The following NR3C2 variants were observed in gnomAD, a reference collection of about 807,000 sequenced individuals.
NR3C2 encodes mineralocorticoid receptor.
NR3C2 carries 15 observed loss-of-function variants against 86.4 expected under a neutral mutation model. That is an observed-to-expected ratio of 0.17 (90% CI 0.12 to 0.27). The LOEUF is 0.27. NR3C2 is among the 10% of genes least tolerant of loss of function. NR3C2 has a pLI of 1.00. For synonymous variants in NR3C2, 458 were observed against 450.5 expected (o/e 1.02, Z -0.21); for missense variants, 960 against 1,195.6 (o/e 0.80, Z 2.91).
intron 8 of NR3C2, among the ~76,000 whole-genome samples, chr4:148,091,094 C>T (rs985553210): frequency 1.3e-5 from 2 of 152,230 alleles, no homozygotes; most frequent in South Asian, 2.1e-4. Context: ...CAGCAGCTAC[C>T]GGAAGTGCTG....
intron 2 of NR3C2, among the ~76,000 whole-genome samples, chr4:148,390,969 C>G (rs1747517921): frequency 6.6e-6 from 1 of 152,162 alleles, no homozygotes; most frequent in South Asian, 2.1e-4. Context: ...AAAATGCATT[C>G]AGTTAAAATG....
chr4:148,104,350 T>TGGTTTGG (rs1731694420), intron 8 of NR3C2, among the ~76,000 whole-genome samples: 3 of 147,926 alleles, frequency 2.0e-5, no homozygotes, highest in South Asian at 4.3e-4. Context: ...TGGTTTTTTT[T>TGGTTTGG]TTTTTTTTTT....
rs1412816811 is a variant in NR3C2, at chr4:148,435,976, G to A, written c.885C>T (p.Ser295=). 2 of 1,614,188 alleles carry A rather than the reference G, an allele frequency of 1.2e-6. No individual in the cohort carries two copies. The highest frequency in any genetic ancestry group is 2.2e-5 in the South Asian group (2 of 91,086). Residue 295 remains serine (S), a synonymous_variant, in exon 2 of 9, where the codon TCC becomes TCT. Transcript: ENST00000358102. ...VSSPNNVTLR[S]SVSSPANINN... is the part of the protein sequence containing the mutation. The stretch of plus-strand genomic sequence containing the variant: ...TAATATTTGCAGGGCTAGACACAGA[G>A]GATCTCAGAGTGACATTATTGGGAC...
At chr4:148,433,702 G>A (rs555420078) in intron 2 of NR3C2, among the ~76,000 whole-genome samples, 8 of 152,068 alleles carry the variant, frequency 5.3e-5, no homozygotes, top group Non-Finnish European at 1.2e-4. Context: ...TTAACTACCA[G>A]GCTATACTAC....
chr4:148,298,668 C>G (rs1742179700), intron 2 of NR3C2, among the ~76,000 whole-genome samples: 1 of 152,206 alleles, frequency 6.6e-6, no homozygotes, highest in Admixed American at 6.5e-5. Flanking sequence ...AGAACTACTA[C>G]TCCTTATTAG....
chr4:148,201,761 A>G lies in NR3C2; in HGVS notation c.1898-6899T>C, dbSNP rs796797558. On this transcript the variant is annotated intron_variant, in intron 3 of 8. Transcript: ENST00000358102. Reference sequence around the variant, plus strand: ...TTTCTGTTTTTCTCTGGCTCCACTAATTTCATGTTCTATGACATCTACAGA... The same window carrying G: ...TTTCTGTTTTTCTCTGGCTCCACTAGTTTCATGTTCTATGACATCTACAGA... Among the ~76,000 whole-genome samples, 6 of 152,170 alleles carry G rather than the reference A, an allele frequency of 3.9e-5. No individual in the cohort carries two copies. In the South Asian group the frequency reaches 1.2e-3, roughly 32 times the overall value.
intron 2 of NR3C2, among the ~76,000 whole-genome samples, chr4:148,381,446 C>A (rs1406688534): frequency 6.6e-6 from 1 of 152,118 alleles, no homozygotes; most frequent in East Asian, 1.9e-4. Flanking sequence ...TGTGACCCTT[C>A]TACTTGCTAG....
At chr4:148,164,172 G>T (rs1475058198) in intron 4 of NR3C2, among the ~76,000 whole-genome samples, 1 of 152,092 alleles carries the variant, frequency 6.6e-6, no homozygotes, top group Non-Finnish European at 1.5e-5. Context: ...ACACTGGAAG[G>T]TTATTTTACT....
chr4:148,081,759 CAG>C (rs968932195), intron 8 of NR3C2, among the ~76,000 whole-genome samples: 25 of 152,200 alleles, frequency 1.6e-4, no homozygotes, highest in Admixed American at 1.6e-3. Context: ...TGAGCTGAAA[CAG>C]GGACAGTGAC....
intron 8 of NR3C2, among the ~76,000 whole-genome samples, chr4:148,094,780 T>C (rs570740942): frequency 6.6e-6 from 1 of 152,064 alleles, no homozygotes; most frequent in Admixed American, 6.5e-5. Flanking sequence ...GCAGCATTAT[T>C]CACAATTCCG....
chr4:148,236,607 CTAA>C (rs1374784790), intron 3 of NR3C2, among the ~76,000 whole-genome samples: 1 of 152,108 alleles, frequency 6.6e-6, no homozygotes, highest in Non-Finnish European at 1.5e-5. Context: ...TTTACAATCA[CTAA>C]TAATGCTCAT....
intron 7 of NR3C2, among the ~76,000 whole-genome samples, chr4:148,119,882 C>T (rs1444886114): frequency 6.6e-6 from 1 of 152,094 alleles, no homozygotes; most frequent in Non-Finnish European, 1.5e-5. Flanking sequence ...CTGAATTGCC[C>T]AATCCTACCA....
chr4:148,354,963 TTATGC>T (rs1296828618), intron 2 of NR3C2, among the ~76,000 whole-genome samples: 1 of 152,090 alleles, frequency 6.6e-6, no homozygotes, highest in Non-Finnish European at 1.5e-5. Context: ...TATGCCAATT[TTATGC>T]TATTTAAAAA....
intron 3 of NR3C2, among the ~76,000 whole-genome samples, chr4:148,258,891 G>A (rs565161333): frequency 6.6e-6 from 1 of 152,316 alleles, no homozygotes; most frequent in African/African-American, 2.4e-5. Flanking sequence ...TCATAATCCT[G>A]AGAAAGAATT....
intron 2 of NR3C2, among the ~76,000 whole-genome samples, chr4:148,419,362 C>T (rs916375493): frequency 1.3e-5 from 2 of 152,196 alleles, no homozygotes; most frequent in African/African-American, 4.8e-5. Flanking sequence ...CACGAATCTT[C>T]TGAAGCTATA....
At chr4:148,377,110 G>A (rs1050557027) in intron 2 of NR3C2, among the ~76,000 whole-genome samples, 2 of 152,030 alleles carry the variant, frequency 1.3e-5, no homozygotes, top group Non-Finnish European at 2.9e-5. Context: ...TTTTATTCTG[G>A]TAGGGAAGGA....
chr4:148,118,727 A>T (rs544801017), intron 7 of NR3C2, among the ~76,000 whole-genome samples: 1 of 152,124 alleles, frequency 6.6e-6, no homozygotes, highest in Non-Finnish European at 1.5e-5. Context: ...TGATGTTAAC[A>T]TATTCCTATT....
intron 8 of NR3C2, among the ~76,000 whole-genome samples, chr4:148,108,876 G>A (rs13142954): frequency 0.17 from 26,251 of 152,166 alleles, 2,917 homozygotes; most frequent in Admixed American, 0.28. Context: ...TCACAGAAAC[G>A]ATGAATTCCA....
At chr4:148,103,312 C>T (rs1731626277) in intron 8 of NR3C2, among the ~76,000 whole-genome samples, 1 of 152,162 alleles carries the variant, frequency 6.6e-6, no homozygotes, top group South Asian at 2.1e-4. Flanking sequence ...ACTGCAAGCT[C>T]TGTCCTCACA....
Sources: gnomAD v4.1 joint callset for allele counts (sites outside exome capture counted in the v4.1 genomes callset) on GRCh38, gnomAD v4.1.1 for gene constraint, MANE v1.5 for transcripts, NCBI Gene and HGNC (gene_info 2026-07-23, HGNC 2026-07-21) for gene names.